Variants in MARCHF10 observed in about 807,000 individuals in gnomAD.
The protein encoded by MARCHF10 is probable E3 ubiquitin-protein ligase MARCHF10.
MARCHF10 carries 64 observed loss-of-function variants against 76.2 expected under a neutral mutation model. The observed-to-expected ratio is 0.84, with a 90% confidence interval of 0.69 to 1.03. MARCHF10 has a LOEUF of 1.03. MARCHF10 is among the 50% of genes least tolerant of loss of function. MARCHF10 has a pLI of 0.00. For missense variants in MARCHF10, 875 were observed against 958.0 expected, an observed-to-expected ratio of 0.91 and a Z score of 1.14; for synonymous variants, 340 against 357.5, an observed-to-expected ratio of 0.95 and a Z score of 0.55.
At chr17:62,781,930 A>G (rs760009038) in intron 3 of MARCHF10, among the ~76,000 whole-genome samples, 1 of 152,188 alleles carries the variant, frequency 6.6e-6, no homozygotes, top group Non-Finnish European at 1.5e-5. Context: ...CAGCCACTCA[A>G]TCAGAGAAGG....
chr17:62,708,403 G>A (rs961212299), intron 9 of MARCHF10, among the ~76,000 whole-genome samples: 6 of 152,110 alleles, frequency 3.9e-5, no homozygotes, highest in East Asian at 3.9e-4. Context: ...ACGCTGCCAC[G>A]CCCGGCTAAT....
intron 3 of MARCHF10, among the ~76,000 whole-genome samples, chr17:62,774,219 G>A (rs1426148696): frequency 1.3e-5 from 2 of 152,164 alleles, no homozygotes; most frequent in East Asian, 1.9e-4. Context: ...CCTGGGATGT[G>A]CTATTGGGGA....
At chr17:62,787,368 A>G (rs1357316672) in intron 3 of MARCHF10, among the ~76,000 whole-genome samples, 2 of 152,166 alleles carry the variant, frequency 1.3e-5, no homozygotes, top group African/African-American at 4.8e-5. Context: ...GATTGATATC[A>G]CGTATTCAGG....
At chr17:62,703,904 G>T (rs1473029719) in intron 10 of MARCHF10, among the ~76,000 whole-genome samples, 1 of 152,208 alleles carries the variant, frequency 6.6e-6, no homozygotes, top group East Asian at 1.9e-4. Context: ...GGTGTGCGGG[G>T]AAAGGCTCGG....
intron 4 of MARCHF10, 67 bp from the exon 5 acceptor site, chr17:62,744,595 G>A (rs983190405): frequency 1.8e-5 from 28 of 1,563,270 alleles, no homozygotes; most frequent in South Asian, 1.4e-4. Context: ...TATAAAGAAC[G>A]TTCAAAGGGC....
At chr17:62,704,961 TAA>T (rs2089486817) in intron 10 of MARCHF10, 28 of 924,118 alleles carry the variant, frequency 3.0e-5, no homozygotes, top group African/African-American at 3.5e-5. Flanking sequence ...TTTTTTTTTT[TAA>T]TGGAAAAAGG....
intron 4 of MARCHF10, among the ~76,000 whole-genome samples, chr17:62,752,113 A>T (rs115818422): frequency 2.6e-5 from 4 of 152,018 alleles, no homozygotes; most frequent in South Asian, 2.1e-4. Context: ...ATTCGAGTAA[A>T]TATTATCCAC....
At chr17:62,782,342 G>GTTTTTT (rs1386514618) in intron 3 of MARCHF10, among the ~76,000 whole-genome samples, 48 of 111,642 alleles carry the variant, frequency 4.3e-4, no homozygotes, top group Non-Finnish European at 7.2e-4. Flanking sequence ...GCAAACAACT[G>GTTTTTT]TTCTTTTTTT....
At chr17:62,705,664 C>A (rs2089542228) in intron 9 of MARCHF10, 83 bp from the exon 10 acceptor site, 1 of 1,533,824 alleles carries the variant, frequency 6.5e-7, no homozygotes, top group African/African-American at 1.4e-5. Flanking sequence ...GTCGCAGCAA[C>A]GTTCTAGGAA....
rs1211540005 is a variant in MARCHF10, at chr17:62,803,723, C to T, written c.-17-1971G>A. 5.5e-4 allele frequency among the ~76,000 whole-genome samples: 83 copies of T among 152,214 alleles called. 1 individual carries two copies. The stretch of plus-strand genomic sequence containing the variant: ...TAGAGGCGAGGTTTCACCATATCGG[C>T]CAGACTGATCTTGAGCTCCTGACGT... On this transcript the variant is annotated intron_variant, in intron 1 of 10. Coordinates refer to ENST00000311269, the MANE Select transcript of MARCHF10 (RefSeq NM_152598.4).
chr17:62,743,524 T>G (rs2091592367), intron 5 of MARCHF10, among the ~76,000 whole-genome samples: 3 of 152,138 alleles, frequency 2.0e-5, no homozygotes, highest in Admixed American at 2.0e-4. Flanking sequence ...GCGCCTGTGG[T>G]CCCAGCTACT....
intron 3 of MARCHF10, 37 bp from the exon 4 acceptor site, chr17:62,760,043 A>G (rs1405891788): frequency 6.3e-7 from 1 of 1,578,552 alleles, no homozygotes; most frequent in African/African-American, 1.4e-5. Flanking sequence ...CTCAGTGGCC[A>G]AGTAGGTCAA....
At chr17:62,784,187 C>T (rs539941403) in intron 3 of MARCHF10, among the ~76,000 whole-genome samples, 34 of 152,234 alleles carry the variant, frequency 2.2e-4, no homozygotes, top group African/African-American at 4.6e-4. Flanking sequence ...TGATCAAGTC[C>T]GCTTCATCCC....
At chr17:62,788,417 ACACAC>A in intron 3 of MARCHF10, 58 bp downstream of exon 3, 4 of 1,599,206 alleles carry the variant, frequency 2.5e-6, no homozygotes, top group East Asian at 2.2e-5. Flanking sequence ...ACACACACAC[ACACAC>A]CACCACCACC....
intron 2 of MARCHF10, among the ~76,000 whole-genome samples, chr17:62,793,151 CCACCAT>C (rs1376880186): frequency 6.9e-6 from 1 of 145,962 alleles, no homozygotes; most frequent in Non-Finnish European, 1.5e-5. Flanking sequence ...ACCATCACCA[CCACCAT>C]CACCACCACC....
intron 3 of MARCHF10, among the ~76,000 whole-genome samples, chr17:62,782,969 G>A (rs934321882): frequency 1.3e-5 from 2 of 152,148 alleles, no homozygotes; most frequent in East Asian, 1.9e-4. Context: ...GCAAAGCAGA[G>A]GTGAATTTCA....
At chr17:62,786,403 G>A (rs2092748085) in intron 3 of MARCHF10, among the ~76,000 whole-genome samples, 1 of 151,382 alleles carries the variant, frequency 6.6e-6, no homozygotes, top group Non-Finnish European at 1.5e-5. Context: ...GCTGGGGGAG[G>A]GATAGCATTA....
At chr17:62,785,355 C>T (rs1409108652) in intron 3 of MARCHF10, among the ~76,000 whole-genome samples, 1 of 152,148 alleles carries the variant, frequency 6.6e-6, no homozygotes, top group Admixed American at 6.5e-5. Flanking sequence ...CCCTTCCTTA[C>T]ACCTTATATA....
At chr17:62,743,960 C>T (rs1379068413) in intron 5 of MARCHF10, among the ~76,000 whole-genome samples, 5 of 152,304 alleles carry the variant, frequency 3.3e-5, no homozygotes, top group African/African-American at 1.2e-4. Flanking sequence ...ATCCCAGGAA[C>T]TAAGTGAGAA....
Sources: gnomAD v4.1 joint callset for allele counts (sites outside exome capture counted in the v4.1 genomes callset) on GRCh38, gnomAD v4.1.1 for gene constraint, MANE v1.5 for transcripts, NCBI Gene and HGNC (gene_info 2026-07-23, HGNC 2026-07-21) for gene names.